COL13A1: variants seen among roughly 807,000 people sequenced by gnomAD.
The protein encoded by COL13A1 is collagen type XIII alpha 1 chain, also known as collagen alpha-1(XIII) chain.
Under a neutral mutation model 130.9 loss-of-function variants are expected in COL13A1, and 89 were observed. The ratio of observed to expected loss-of-function variants is 0.68; its 90% CI spans 0.57 to 0.81. COL13A1 has a LOEUF of 0.81. Among genes scored for constraint, COL13A1 ranks in the 30% least tolerant of loss-of-function variants. The pLI is 0.00. For synonymous variants in COL13A1, 402 were observed against 341.6 expected (o/e 1.18, Z -1.95); for missense variants, 879 against 934.6 (o/e 0.94, Z 0.78).
chr10:69,882,178 A>G (rs1277825746), intron 7 of COL13A1, among the ~76,000 whole-genome samples: 1 of 152,214 alleles, frequency 6.6e-6, no homozygotes, highest in Non-Finnish European at 1.5e-5. Flanking sequence ...CCGGTGTGTT[A>G]GGAGGACAGG....
At chr10:69,882,783 G>T (rs1458456791) in intron 7 of COL13A1, among the ~76,000 whole-genome samples, 1 of 152,218 alleles carries the variant, frequency 6.6e-6, no homozygotes, top group African/African-American at 2.4e-5. Context: ...ATCATACCAG[G>T]AGTCTTAACG....
chr10:69,890,053 A>G (rs1018673191), intron 10 of COL13A1, among the ~76,000 whole-genome samples: 6 of 152,020 alleles, frequency 3.9e-5, no homozygotes, highest in African/African-American at 1.4e-4. Flanking sequence ...TCCATGTCAC[A>G]GCATCCCGCG....
At chr10:69,881,302 G>A (rs2060114902) in intron 7 of COL13A1, among the ~76,000 whole-genome samples, 2 of 152,184 alleles carry the variant, frequency 1.3e-5, no homozygotes, top group South Asian at 4.2e-4. Flanking sequence ...GAGAGGGGGA[G>A]CGCCCTCCCG....
intron 2 of COL13A1, among the ~76,000 whole-genome samples, chr10:69,830,523 T>G (rs1221154497): frequency 6.6e-6 from 1 of 152,118 alleles, no homozygotes; most frequent in Non-Finnish European, 1.5e-5. Flanking sequence ...TATCTAAAGT[T>G]AAAAACATAA....
At chr10:69,849,318 C>G (rs1854045220) in intron 2 of COL13A1, among the ~76,000 whole-genome samples, 1 of 150,062 alleles carries the variant, frequency 6.7e-6, no homozygotes, top group Non-Finnish European at 1.5e-5. Flanking sequence ...GCCCAGCTGC[C>G]TAGCCTGGTG....
At chr10:69,939,861 A>G (rs1397656347) in intron 34 of COL13A1, among the ~76,000 whole-genome samples, 2 of 152,276 alleles carry the variant, frequency 1.3e-5, no homozygotes, top group East Asian at 3.9e-4. Flanking sequence ...GTGGTCCTAA[A>G]TCTGAGAAGA....
rs774008887 is a variant in COL13A1, at chr10:69,922,708, G to A, written c.1144G>A (p.Gly382Arg). ...TGCTAACTCCACCTTCCACCCCCAG[G>A]GAGAGAAAGGCGATGCTGGCAACTC... is the stretch of plus-strand genomic sequence containing the variant. Reference protein sequence around the residue: ...PGLPGLLGQKGEKGDAGNSIG... With the variant: ...PGLPGLLGQKREKGDAGNSIG... Residue 382 changes from glycine (G) to arginine (R), a missense_variant and splice_region_variant, in exon 23 of 41, where the codon GGA becomes AGA. Gly to Arg is a moderately radical substitution (Grantham distance 125, BLOSUM62 -2). Transcript: ENST00000645393. 1.9e-6 allele frequency: 3 copies of A among 1,603,460 alleles called. No individual in the cohort carries two copies. The highest frequency in any genetic ancestry group is 2.7e-5 in the African/African-American group (2 of 74,720).
chr10:69,908,549 G>A (rs2063033790), intron 17 of COL13A1, among the ~76,000 whole-genome samples: 1 of 152,202 alleles, frequency 6.6e-6, no homozygotes, highest in Admixed American at 6.5e-5. Context: ...ACAGGTGTCT[G>A]CATTCTGCTG....
At chr10:69,902,721 T>G (rs1356635727) in intron 14 of COL13A1, 27 bp from the exon 15 acceptor site, 4 of 1,537,494 alleles carry the variant, frequency 2.6e-6, no homozygotes, top group Non-Finnish European at 3.5e-6. Flanking sequence ...GGGCCTTCCC[T>G]CTAACATTCG....
chr10:69,944,853 G>A (rs72805195), intron 36 of COL13A1, among the ~76,000 whole-genome samples: 11,507 of 152,258 alleles, frequency 0.076, 581 homozygotes, highest in Middle Eastern at 0.17. Context: ...TAATGATTTA[G>A]GGAAACTGCA....
chr10:69,926,704 T>A (rs1457812592), intron 26 of COL13A1, among the ~76,000 whole-genome samples: 2 of 152,134 alleles, frequency 1.3e-5, no homozygotes, highest in African/African-American at 2.4e-5. Flanking sequence ...GAAATCTGGG[T>A]TCTGGGAGAA....
chr10:69,926,390 G>A (rs956603878), intron 26 of COL13A1, among the ~76,000 whole-genome samples: 9 of 152,242 alleles, frequency 5.9e-5, no homozygotes, highest in Non-Finnish European at 8.8e-5. Context: ...GGGGAGAGTC[G>A]GTCCTGTGTG....
intron 6 of COL13A1, among the ~76,000 whole-genome samples, chr10:69,878,439 G>T (rs1442102801): frequency 6.6e-6 from 1 of 152,090 alleles, no homozygotes; most frequent in Non-Finnish European, 1.5e-5. Flanking sequence ...AGCCATCCTG[G>T]AACATCAGCC....
chr10:69,947,480 G>A (rs1589716422), intron 38 of COL13A1, 138 bp downstream of exon 38: 3 of 809,928 alleles, frequency 3.7e-6, no homozygotes, highest in East Asian at 5.7e-5. Flanking sequence ...GCTTTACAAG[G>A]AGGGCCTTAA....
In COL13A1 at chr10:69,888,355, C is replaced by T. The variant is rs763412584; in HGVS notation, c.576+25C>T. 7 of 1,610,046 alleles carry T rather than the reference C, an allele frequency of 4.3e-6. No homozygotes were observed. The East Asian group carries it at 1.6e-4, about 36-fold the overall frequency. On this transcript the variant is annotated intron_variant, in intron 9 of 40. Transcript: ENST00000645393. ...GGTAAGTGGACCCGCTCTCTCCCCT[C>T]ACTGCAGGTCAGTGATCCTGGATCT...
intron 27 of COL13A1, among the ~76,000 whole-genome samples, 183 bp from the exon 28 acceptor site, chr10:69,928,754 C>T (rs1051459668): frequency 5.9e-5 from 9 of 152,176 alleles, no homozygotes; most frequent in African/African-American, 1.4e-4. Flanking sequence ...ACACTTGGTG[C>T]TTATATGTTT....
rs371982610 is a variant in COL13A1, at chr10:69,887,382, G to A, written c.514-74G>A. 1.0e-4 allele frequency: 148 copies of A among 1,482,034 alleles called. No homozygotes were observed. In the African/African-American group the frequency reaches 1.6e-3, roughly 16 times the overall value. 91.8% of individuals were successfully genotyped at this position (1,482,034 alleles called of 1,614,324 possible). A position where few individuals can be genotyped will look rare whatever the true frequency, so the allele number is the denominator to read the frequency against. ...AAGTGAGAGGGATGGGAGCAAAGAT[G>A]AACTGGAGGCCTAGGGATTGGCTCT... On this transcript the variant is annotated intron_variant, in intron 7 of 40. Coordinates refer to ENST00000645393, the MANE Select transcript of COL13A1 (RefSeq NM_001368882.1).
intron 2 of COL13A1, among the ~76,000 whole-genome samples, chr10:69,853,891 A>G (rs966283611): frequency 6.6e-6 from 1 of 152,242 alleles, no homozygotes; most frequent in Non-Finnish European, 1.5e-5. Context: ...AAATGGAAAC[A>G]GTTGAGAGTG....
At position 69,822,354 on chromosome 10, in the gene COL13A1, T is replaced by G; in HGVS notation, c.295-15T>G. ...CGAGCTCCTGGTGACTCCTCTTGTCTGTCTCCTTGTACAGAAATGGAAGCT... is the reference window on the plus strand; with the variant it reads ...CGAGCTCCTGGTGACTCCTCTTGTCGGTCTCCTTGTACAGAAATGGAAGCT... On this transcript the variant is annotated splice_polypyrimidine_tract_variant and intron_variant, in intron 1 of 40. Coordinates refer to ENST00000645393, the MANE Select transcript of COL13A1 (RefSeq NM_001368882.1). The G allele has an allele frequency of 1.9e-6, 3 of 1,568,300 alleles. No individual in the cohort carries two copies. The highest frequency in any genetic ancestry group is 2.6e-6 in the Non-Finnish European group (3 of 1,157,048).
Sources: allele counts gnomAD v4.1 joint callset (sites outside exome capture counted in the v4.1 genomes callset), GRCh38; gene constraint gnomAD v4.1.1; transcripts MANE v1.5; gene names NCBI Gene and HGNC (gene_info 2026-07-23, HGNC 2026-07-21).